Variants in EYS observed in about 807,000 individuals in gnomAD.
The protein encoded by EYS is EGF-like photoreceptor maintenance factor.
EYS carries 250 observed loss-of-function variants against 282.1 expected under a neutral mutation model. The ratio of observed to expected loss-of-function variants is 0.89; its 90% CI spans 0.80 to 0.98. The LOEUF (loss-of-function observed/expected upper bound fraction) is 0.98. Among genes scored for constraint, EYS ranks in the 50% least tolerant of loss-of-function variants. The pLI is 0.00. For missense variants in EYS, 4,016 were observed against 3,709.0 expected (o/e 1.08, Z -2.15); for synonymous variants, 1,355 against 1,282.9 (o/e 1.06, Z -1.20).
intron 31 of EYS, among the ~76,000 whole-genome samples, chr6:64,200,784 T>G (rs1765438961): frequency 1.3e-5 from 2 of 152,128 alleles, no homozygotes; most frequent in Non-Finnish European, 2.9e-5. Context: ...TTGTATTATT[T>G]TTTAAGAGGT....
intron 2 of EYS, among the ~76,000 whole-genome samples, chr6:65,585,136 C>A (rs1217624593): frequency 6.6e-6 from 1 of 151,582 alleles, no homozygotes; most frequent in Non-Finnish European, 1.5e-5. Context: ...AAAATACTTA[C>A]AATAAAGCAT....
At chr6:64,729,370 G>A (rs1309159779) in intron 22 of EYS, among the ~76,000 whole-genome samples, 3 of 152,130 alleles carry the variant, frequency 2.0e-5, no homozygotes, top group Non-Finnish European at 4.4e-5. Flanking sequence ...GATGTTGAAC[G>A]TGGCTATGTG....
intron 12 of EYS, among the ~76,000 whole-genome samples, chr6:65,245,563 T>C (rs1562047048): frequency 6.6e-6 from 1 of 151,632 alleles, no homozygotes; most frequent in South Asian, 2.1e-4. Flanking sequence ...GGCCTTTATA[T>C]TGATGTTCTT....
intron 19 of EYS, among the ~76,000 whole-genome samples, chr6:64,858,626 A>C (rs542720896): frequency 2.2e-4 from 34 of 152,168 alleles, no homozygotes; most frequent in African/African-American, 7.5e-4. Flanking sequence ...TTTTATTTTC[A>C]TGAAAAACAA....
intron 31 of EYS, among the ~76,000 whole-genome samples, chr6:64,165,479 A>G (rs1764262442): frequency 6.6e-6 from 1 of 152,132 alleles, no homozygotes; most frequent in African/African-American, 2.4e-5. Context: ...ATTTACTTTG[A>G]TATGATTTCC....
intron 30 of EYS, among the ~76,000 whole-genome samples, chr6:64,235,293 T>A (rs145148926): frequency 3.8e-3 from 491 of 128,466 alleles, no homozygotes; most frequent in Admixed American, 4.0e-3. Context: ...CCTGTGTCCA[T>A]GTGTCCTCAT....
chr6:64,665,647 G>C (rs1769205507), intron 22 of EYS, among the ~76,000 whole-genome samples: 1 of 152,088 alleles, frequency 6.6e-6, no homozygotes, highest in African/African-American at 2.4e-5. Flanking sequence ...TATTATACTG[G>C]TATAAAAAGC....
At chr6:63,967,262 T>A (rs913311045) in intron 35 of EYS, among the ~76,000 whole-genome samples, 2 of 152,150 alleles carry the variant, frequency 1.3e-5, no homozygotes, top group Non-Finnish European at 2.9e-5. Context: ...TTCAGGAGTG[T>A]CCCCAATTTA....
chr6:64,302,696 G>A (rs1390347502), intron 30 of EYS, among the ~76,000 whole-genome samples: 1 of 152,110 alleles, frequency 6.6e-6, no homozygotes, highest in East Asian at 1.9e-4. Context: ...AAAAGGGGGA[G>A]TATGAGTAAG....
At chr6:65,180,338 G>T (rs141950736) in intron 12 of EYS, among the ~76,000 whole-genome samples, 6,767 of 152,190 alleles carry the variant, frequency 0.044, 202 homozygotes, top group Middle Eastern at 0.065. Flanking sequence ...TCCTTAAGCT[G>T]ATAAACAACT....
At chr6:64,248,095 A>C (rs1767074245) in intron 30 of EYS, among the ~76,000 whole-genome samples, 1 of 152,154 alleles carries the variant, frequency 6.6e-6, no homozygotes, top group African/African-American at 2.4e-5. Context: ...GGTACTCAGA[A>C]ACCTGCCAGA....
intron 26 of EYS, among the ~76,000 whole-genome samples, chr6:64,558,378 C>A (rs1003738141): frequency 6.6e-6 from 1 of 152,046 alleles, no homozygotes; most frequent in Non-Finnish European, 1.5e-5. Context: ...ATGCTACTGG[C>A]ATCTAGAGCA....
At chr6:65,534,574 T>C (rs1767896920) in intron 2 of EYS, among the ~76,000 whole-genome samples, 1 of 152,078 alleles carries the variant, frequency 6.6e-6, no homozygotes, top group Admixed American at 6.6e-5. Context: ...AGCACTTCAT[T>C]GACTGACGGC....
At chr6:64,630,537 TG>T (rs1767745465) in intron 22 of EYS, among the ~76,000 whole-genome samples, 1 of 152,234 alleles carries the variant, frequency 6.6e-6, no homozygotes. Flanking sequence ...ATACATGATA[TG>T]ATAATGATTG....
rs145056301 is a variant in EYS, at chr6:64,138,092, C to T, written c.6425-56090G>A. Among the ~76,000 whole-genome samples the T allele has an allele frequency of 9.2e-5, 14 of 152,158 alleles. No individual in the cohort carries two copies. The East Asian group carries it at 1.7e-3, about 19-fold the overall frequency. ...CGAGATGAAGCAAGAAAAAGGCTAG[C>T]GAGTGTCGATTGGATTGACCATTCC... On this transcript the variant is annotated intron_variant, in intron 31 of 42. Coordinates refer to ENST00000503581, the MANE Select transcript of EYS (RefSeq NM_001142800.2).
At chr6:64,640,537 G>T (rs996322186) in intron 22 of EYS, among the ~76,000 whole-genome samples, 1 of 150,652 alleles carries the variant, frequency 6.6e-6, no homozygotes, top group Non-Finnish European at 1.5e-5. Context: ...CATGGACACA[G>T]GAAGGGGGTC....
intron 2 of EYS, among the ~76,000 whole-genome samples, chr6:65,555,866 T>A (rs1200165774): frequency 6.6e-6 from 1 of 152,212 alleles, no homozygotes; most frequent in Non-Finnish European, 1.5e-5. Context: ...ATGAATACTG[T>A]AAAATATCTC....
intron 31 of EYS, among the ~76,000 whole-genome samples, chr6:64,093,823 G>C (rs906348232): frequency 1.3e-5 from 2 of 152,150 alleles, no homozygotes; most frequent in Admixed American, 1.3e-4. Flanking sequence ...GGTCATCCCT[G>C]TCTTGTGCCG....
intron 29 of EYS, among the ~76,000 whole-genome samples, chr6:64,387,915 C>T (rs1346342882): frequency 2.0e-5 from 3 of 151,888 alleles, no homozygotes; most frequent in African/African-American, 7.3e-5. Context: ...TTTACAGTAA[C>T]TAGATGTATG....
Sources: gnomAD v4.1 joint callset for allele counts (sites outside exome capture counted in the v4.1 genomes callset) on GRCh38, gnomAD v4.1.1 for gene constraint, MANE v1.5 for transcripts, NCBI Gene and HGNC (gene_info 2026-07-23, HGNC 2026-07-21) for gene names.